Variants in KSR1 observed in about 807,000 individuals in gnomAD.
KSR1 encodes the protein kinase suppressor of ras.
In KSR1, 35 loss-of-function variants were observed where a neutral mutation model predicts 92.9. The observed-to-expected ratio is 0.38, with a 90% confidence interval of 0.29 to 0.50. The LOEUF is 0.50. Ranked by LOEUF, KSR1 falls within the 20% of genes least tolerant of loss-of-function variation. The probability of loss-of-function intolerance (pLI) is 0.94; values close to 1 mark genes in which losing one functional copy is unlikely to be tolerated. For missense variants in KSR1, 972 were observed against 1,158.5 expected, an observed-to-expected ratio of 0.84 and a Z score of 2.34; for synonymous variants, 467 against 472.6, an observed-to-expected ratio of 0.99 and a Z score of 0.15.
At chr17:27,568,641 A>G (rs981918230) in intron 2 of KSR1, among the ~76,000 whole-genome samples, 2 of 151,784 alleles carry the variant, frequency 1.3e-5, no homozygotes, top group Non-Finnish European at 2.9e-5. Flanking sequence ...CAGTGCCTTG[A>G]CCCCCAGGAG....
At chr17:27,573,658 G>A (rs1170012334) in intron 2 of KSR1, among the ~76,000 whole-genome samples, 1 of 152,210 alleles carries the variant, frequency 6.6e-6, no homozygotes, top group African/African-American at 2.4e-5. Context: ...CCCCTGAAAG[G>A]TAGCTGCTGT....
chr17:27,527,021 G>A lies in KSR1; in HGVS notation c.232-23547G>A, dbSNP rs2070331814. On this transcript the variant is annotated intron_variant, in intron 1 of 20. Coordinates refer to ENST00000644974, the MANE Select transcript of KSR1 (RefSeq NM_001394583.1). ...TCTCCCAGCCCTTCTTCAGCTGTTT[G>A]AAATCCGGCAGGGACAGCTCGGCTG... is the stretch of plus-strand genomic sequence containing the variant. The A allele has an allele frequency of 4.3e-5, 21 of 493,372 alleles. No homozygotes were observed. The South Asian group carries it at 4.8e-4, about 11-fold the overall frequency. The allele number at this position is 493,372 out of a possible 1,614,324, so 30.6% of individuals were successfully genotyped here. A position where few individuals can be genotyped will look rare whatever the true frequency, so the allele number is the denominator to read the frequency against.
At chr17:27,563,597 G>A (rs954024040) in intron 2 of KSR1, among the ~76,000 whole-genome samples, 20 of 152,194 alleles carry the variant, frequency 1.3e-4, no homozygotes, top group South Asian at 4.1e-4. Context: ...GTCTTGTTAC[G>A]CTTAGCACAA....
At chr17:27,460,318 A>C (rs2019372756) in intron 1 of KSR1, among the ~76,000 whole-genome samples, 1 of 152,256 alleles carries the variant, frequency 6.6e-6, no homozygotes, top group African/African-American at 2.4e-5. Context: ...TGCCTCATGG[A>C]GATTTATGTT....
intron 1 of KSR1, among the ~76,000 whole-genome samples, chr17:27,538,263 G>A (rs1261989740): frequency 6.6e-6 from 1 of 152,230 alleles, no homozygotes; most frequent in Non-Finnish European, 1.5e-5. Flanking sequence ...CCTACAATGA[G>A]TCTGGAGTTA....
At chr17:27,606,900 T>TA (rs2073772167) in intron 14 of KSR1, among the ~76,000 whole-genome samples, 1 of 152,186 alleles carries the variant, frequency 6.6e-6, no homozygotes, top group African/African-American at 2.4e-5. Flanking sequence ...GGCGTGTTCT[T>TA]GGCTCACTGC....
At chr17:27,557,370 T>C (rs946913083) in intron 2 of KSR1, among the ~76,000 whole-genome samples, 1 of 152,182 alleles carries the variant, frequency 6.6e-6, no homozygotes, top group African/African-American at 2.4e-5. Context: ...CAGAAAGTCA[T>C]GGCATCTGTC....
At chr17:27,541,065 G>A (rs566564983) in intron 1 of KSR1, among the ~76,000 whole-genome samples, 89 of 152,370 alleles carry the variant, frequency 5.8e-4, no homozygotes, top group Non-Finnish European at 1.0e-3. Context: ...GAAGGCTGGA[G>A]TAAGTTGCCA....
At chr17:27,486,297 C>T (rs1421605313) in intron 1 of KSR1, among the ~76,000 whole-genome samples, 2 of 152,184 alleles carry the variant, frequency 1.3e-5, no homozygotes, top group South Asian at 2.1e-4. Context: ...GGGTACCCAC[C>T]GTTGTCTTGG....
At chr17:27,602,021 T>G (rs906260562) in intron 11 of KSR1, 10 of 1,107,268 alleles carry the variant, frequency 9.0e-6, no homozygotes. Flanking sequence ...TGTACCAACC[T>G]TTTCATTCCT....
chr17:27,573,950 A>G (rs1254457034), intron 2 of KSR1, among the ~76,000 whole-genome samples: 2 of 152,210 alleles, frequency 1.3e-5, no homozygotes, highest in Non-Finnish European at 2.9e-5. Context: ...GAGATGAATA[A>G]AAAGAAAGAA....
chr17:27,506,701 C>T (rs2069398082), intron 1 of KSR1, among the ~76,000 whole-genome samples: 1 of 143,326 alleles, frequency 7.0e-6, no homozygotes, highest in Non-Finnish European at 1.5e-5. Flanking sequence ...CACCCCCAAG[C>T]TGCATTTTTC....
At position 27,584,137 on chromosome 17, in the gene KSR1, C is replaced by T. The variant is rs146996106; in HGVS notation, c.980+1032C>T. The T allele has an allele frequency of 1.3e-4, 34 of 253,984 alleles. No individual in the cohort carries two copies. The East Asian group carries it at 5.7e-3, about 43-fold the overall frequency. The allele number at this position is 253,984 out of a possible 1,614,324, so 15.7% of individuals were successfully genotyped here. ...AGTGTTTTCCTTGGGTGCCTCTTAC[C>T]TTCTTGTACCCCTGAGGATTGGGGC... On this transcript the variant is annotated intron_variant, in intron 4 of 20. Coordinates refer to ENST00000644974, the MANE Select transcript of KSR1 (RefSeq NM_001394583.1).
In KSR1 at chr17:27,548,537, C is replaced by T. The variant is rs1034089680; in HGVS notation, c.232-2031C>T. ...TTTTATACTCAGATCAAGTGATCTGCCCACCTTAGCCTCCGAAAGTGCTGG... is the reference window on the plus strand; with the variant it reads ...TTTTATACTCAGATCAAGTGATCTGTCCACCTTAGCCTCCGAAAGTGCTGG... On this transcript the variant is annotated intron_variant, in intron 1 of 20. Transcript: ENST00000644974. 5.3e-5 allele frequency among the ~76,000 whole-genome samples: 8 copies of T among 151,246 alleles called. No individual in the cohort carries two copies. In the East Asian group the frequency reaches 1.5e-3, roughly 29 times the overall value.
chr17:27,606,726 A>G (rs1478827052), intron 14 of KSR1, among the ~76,000 whole-genome samples: 1 of 151,608 alleles, frequency 6.6e-6, no homozygotes, highest in Non-Finnish European at 1.5e-5. Flanking sequence ...AGTTGGGAAG[A>G]GTTGTATAAT....
rs996594064 is a variant in KSR1 at position 27,626,283 on chromosome 17, A to C, written c.*2891A>C. 6.6e-6 allele frequency: 1 copy of C among 152,240 alleles called. No individual in the cohort carries two copies. The highest frequency in any genetic ancestry group is 2.1e-4 in the South Asian group (1 of 4,826). 9.4% of individuals were successfully genotyped at this position (152,240 alleles called of 1,614,324 possible). On this transcript the variant is annotated 3_prime_UTR_variant, in exon 21 of 21. Transcript: ENST00000644974. ...AGTTTTTATATTTTCTATCAACTAC[A>C]TTTGTCTTCCAGACATGCTATTAAT...
chr17:27,537,555 G>T (rs191267695), intron 1 of KSR1, among the ~76,000 whole-genome samples: 64 of 152,294 alleles, frequency 4.2e-4, no homozygotes, highest in Non-Finnish European at 5.4e-4. Flanking sequence ...GCTGAGCGTG[G>T]TGGCGGGCAC....
rs1312390194 is a variant in KSR1 at position 27,609,905 on chromosome 17, A to G, written c.2226-162A>G. The G allele has an allele frequency of 1.8e-5, 14 of 778,248 alleles. No individual in the cohort carries two copies. In the Admixed American group the frequency reaches 3.8e-4, roughly 21 times the overall value. The allele number at this position is 778,248 out of a possible 1,614,324, so 48.2% of individuals were successfully genotyped here. A position where few individuals can be genotyped will look rare whatever the true frequency, so the allele number is the denominator to read the frequency against. On this transcript the variant is annotated intron_variant, in intron 16 of 20. Transcript: ENST00000644974. ...CTCCTTTGTAGAATTCCTCAAAAGC[A>G]CCGGTGCCTTTCCCAAGTGCAGGGT... is the stretch of plus-strand genomic sequence containing the variant.
intron 1 of KSR1, among the ~76,000 whole-genome samples, chr17:27,472,838 A>G (rs2020091065): frequency 6.6e-6 from 1 of 152,234 alleles, no homozygotes; most frequent in Admixed American, 6.5e-5. Flanking sequence ...ATGGAAGGCC[A>G]GAATCCTGGG....
Sources: allele counts gnomAD v4.1 joint callset (sites outside exome capture counted in the v4.1 genomes callset), GRCh38; gene constraint gnomAD v4.1.1; transcripts MANE v1.5; gene names NCBI Gene and HGNC (gene_info 2026-07-23, HGNC 2026-07-21).